The following EXT1 variants were observed in gnomAD, a reference collection of about 807,000 sequenced individuals.
EXT1 encodes the protein exostosin-1.
Under a neutral mutation model 82.5 loss-of-function variants are expected in EXT1, and 20 were observed. The observed-to-expected ratio is 0.24, with a 90% confidence interval of 0.17 to 0.35. EXT1 has a LOEUF of 0.35. Among genes scored for constraint, EXT1 ranks in the 10% least tolerant of loss-of-function variants. The pLI, the probability that EXT1 is intolerant of heterozygous loss-of-function variation, is 1.00. For synonymous variants in EXT1, 348 were observed against 350.8 expected (o/e 0.99, Z 0.09); for missense variants, 757 against 936.5 (o/e 0.81, Z 2.50).
At chr8:117,947,868 G>A (rs973469735) in intron 1 of EXT1, among the ~76,000 whole-genome samples, 1 of 152,142 alleles carries the variant, frequency 6.6e-6, no homozygotes, top group Non-Finnish European at 1.5e-5. Context: ...GGGAAGGCAG[G>A]CATTATCTTA....
intron 1 of EXT1, among the ~76,000 whole-genome samples, chr8:118,047,577 C>T (rs990900079): frequency 6.6e-6 from 1 of 152,108 alleles, no homozygotes; most frequent in Non-Finnish European, 1.5e-5. Context: ...ATAAATGGTG[C>T]TCTCTTTTCC....
intron 9 of EXT1, among the ~76,000 whole-genome samples, chr8:117,805,865 A>C (rs1286570438): frequency 2.0e-5 from 3 of 152,188 alleles, no homozygotes; most frequent in African/African-American, 4.8e-5. Context: ...AAATATATGC[A>C]AACAACTGCC....
At chr8:117,974,997 G>A (rs2129751460) in intron 1 of EXT1, among the ~76,000 whole-genome samples, 1 of 152,202 alleles carries the variant, frequency 6.6e-6, no homozygotes, top group East Asian at 1.9e-4. Flanking sequence ...ATAAAACCTT[G>A]GTTGAAAGCC....
intron 1 of EXT1, among the ~76,000 whole-genome samples, chr8:117,856,422 A>ATT (rs951647677): frequency 4.5e-4 from 38 of 83,742 alleles, no homozygotes; most frequent in Admixed American, 1.2e-3. Flanking sequence ...GCCTGGCTAA[A>ATT]TTTTTTTTTT....
intron 1 of EXT1, among the ~76,000 whole-genome samples, chr8:118,028,782 T>C (rs1382711477): frequency 6.6e-6 from 1 of 151,404 alleles, no homozygotes; most frequent in Non-Finnish European, 1.5e-5. Flanking sequence ...ATTAGCCGGG[T>C]GTGGTGGTGC....
chr8:117,938,136 A>G (rs1397226830), intron 1 of EXT1, among the ~76,000 whole-genome samples: 3 of 152,192 alleles, frequency 2.0e-5, no homozygotes, highest in African/African-American at 7.2e-5. Flanking sequence ...CCACTATGAT[A>G]GCCCTTGTCT....
chr8:118,027,559 T>C (rs1816225896), intron 1 of EXT1, among the ~76,000 whole-genome samples: 1 of 152,186 alleles, frequency 6.6e-6, no homozygotes, highest in African/African-American at 2.4e-5. Context: ...TTACATAAAA[T>C]GTGGGTCCAA....
At chr8:117,951,495 A>T (rs761569544) in intron 1 of EXT1, among the ~76,000 whole-genome samples, 2 of 152,244 alleles carry the variant, frequency 1.3e-5, no homozygotes, top group Non-Finnish European at 2.9e-5. Context: ...CATACAAACT[A>T]GACCCTGGGA....
chr8:118,022,081 A>C (rs1816112736), intron 1 of EXT1, among the ~76,000 whole-genome samples: 1 of 152,160 alleles, frequency 6.6e-6, no homozygotes, highest in Admixed American at 6.5e-5. Flanking sequence ...TGGGTCATAC[A>C]TAAGCATTTT....
At chr8:117,824,970 G>C (rs1254709378) in intron 4 of EXT1, among the ~76,000 whole-genome samples, 2 of 152,028 alleles carry the variant, frequency 1.3e-5, no homozygotes, top group African/African-American at 4.8e-5. Flanking sequence ...GGGCTCAAAG[G>C]ATACTCCCGC....
intron 1 of EXT1, among the ~76,000 whole-genome samples, chr8:117,881,236 T>C (rs1586261141): frequency 6.6e-6 from 1 of 152,096 alleles, no homozygotes; most frequent in South Asian, 2.1e-4. Context: ...AAAGAAAAAA[T>C]GTCACCGTTT....
intron 1 of EXT1, among the ~76,000 whole-genome samples, chr8:117,837,569 CCTT>C (rs1215252399): frequency 6.6e-6 from 1 of 152,058 alleles, no homozygotes; most frequent in South Asian, 2.1e-4. Flanking sequence ...TGGTGCTTCT[CCTT>C]CTCCTTTAAC....
intron 1 of EXT1, among the ~76,000 whole-genome samples, chr8:118,009,617 G>C (rs927304365): frequency 6.6e-6 from 1 of 152,334 alleles, no homozygotes; most frequent in African/African-American, 2.4e-5. Context: ...AGCAGGAAGC[G>C]AGTGACAGGC....
intron 1 of EXT1, among the ~76,000 whole-genome samples, chr8:118,025,283 T>C (rs772534856): frequency 6.6e-6 from 1 of 152,164 alleles, no homozygotes; most frequent in Non-Finnish European, 1.5e-5. Context: ...GGCTTCACCA[T>C]GAGGAGGAGA....
At chr8:117,819,559 T>C (rs1353307704) in intron 6 of EXT1, 117 bp downstream of exon 6, 4 of 819,030 alleles carry the variant, frequency 4.9e-6, no homozygotes, top group African/African-American at 1.7e-5. Context: ...TAGCAGGGTA[T>C]GATGTTAGAG....
chr8:117,908,784 G>A (rs1471006126), intron 1 of EXT1, among the ~76,000 whole-genome samples: 1 of 152,114 alleles, frequency 6.6e-6, no homozygotes, highest in East Asian at 1.9e-4. Flanking sequence ...ACAGAAAGAG[G>A]AGCAGGTGGC....
intron 1 of EXT1, among the ~76,000 whole-genome samples, chr8:118,080,690 A>G (rs1040016992): frequency 2.0e-5 from 3 of 152,204 alleles, no homozygotes; most frequent in Non-Finnish European, 4.4e-5. Flanking sequence ...TTTGCCACCG[A>G]AAGAACCTGA....
intron 1 of EXT1, among the ~76,000 whole-genome samples, chr8:117,923,725 C>CAAAAGAAAAA (rs1813903233): frequency 9.2e-6 from 1 of 109,004 alleles, no homozygotes. Context: ...GACTCTGTCT[C>CAAAAGAAAAA]AAAAAAAAAA....
Position 117,905,346 on chromosome 8 carries a change from C to T in EXT1, c.963-68145G>A, listed in dbSNP as rs76469037. Among the ~76,000 whole-genome samples, 611 of 152,292 alleles carry T rather than the reference C, an allele frequency of 4.0e-3. 6 individuals are homozygous for T. Among genetic ancestry groups the T allele is most frequent in the East Asian group, 0.037 (191 of 5,168 alleles). On this transcript the variant is annotated intron_variant, in intron 1 of 10. Coordinates refer to ENST00000378204, the MANE Select transcript of EXT1 (RefSeq NM_000127.3). ...TATTCCCTTCCCCATTCCTACTCTG[C>T]TCTGAAAAATCATCAAGGTCAGAGT...
Sources: allele counts gnomAD v4.1 joint callset (sites outside exome capture counted in the v4.1 genomes callset), GRCh38; gene constraint gnomAD v4.1.1; transcripts MANE v1.5; gene names NCBI Gene and HGNC (gene_info 2026-07-23, HGNC 2026-07-21).